Variants in TPD52 observed in about 807,000 individuals in gnomAD.
TPD52 encodes the protein tumor protein D52, also known as prostate and colon associated protein.
In TPD52, 17 loss-of-function variants were observed where a neutral mutation model predicts 31.3. The ratio of observed to expected loss-of-function variants is 0.54; its 90% CI spans 0.37 to 0.82. The LOEUF is 0.82. Among genes scored for constraint, TPD52 ranks in the 40% least tolerant of loss-of-function variants. The pLI, the probability that TPD52 is intolerant of heterozygous loss-of-function variation, is 0.00. For missense variants in TPD52, 212 were observed against 240.1 expected (o/e 0.88, Z 0.77); for synonymous variants, 83 against 89.6 (o/e 0.93, Z 0.42).
At position 80,050,376 on chromosome 8, in the gene TPD52, G is replaced by GTAATC. The variant is rs748025837; in HGVS notation, c.413+64_413+68dup. On this transcript the variant is annotated intron_variant, in intron 5 of 7. Transcript: ENST00000518937. Reference sequence around the variant, plus strand: ...AAACACGATCATCCAACGTAGCATGGTAATCTAATCTCAGCACACTTTTCT... The same window carrying GTAATC: ...AAACACGATCATCCAACGTAGCATGGTAATCTAATCTAATCTCAGCACACTTTTCT... The GTAATC allele has an allele frequency of 4.2e-4, 611 of 1,462,304 alleles. 1 individual carries two copies. Among genetic ancestry groups the GTAATC allele is most frequent in the Middle Eastern group, 7.0e-4 (4 of 5,746 alleles). The allele number at this position is 1,462,304 out of a possible 1,614,324, so 90.6% of individuals were successfully genotyped here.
At chr8:80,124,200 C>A (rs1437035672) in intron 1 of TPD52, among the ~76,000 whole-genome samples, 2 of 151,284 alleles carry the variant, frequency 1.3e-5, no homozygotes, top group African/African-American at 4.9e-5. Context: ...GGGTCTCACT[C>A]TGTCATCCAG....
At chr8:80,042,163 T>C in intron 7 of TPD52, 3 of 984,156 alleles carry the variant, frequency 3.0e-6, no homozygotes, top group Non-Finnish European at 3.6e-6. Context: ...TACAGGAAAA[T>C]GATTATGATG....
At chr8:80,054,586 G>A (rs574840832) in intron 2 of TPD52, among the ~76,000 whole-genome samples, 1 of 152,206 alleles carries the variant, frequency 6.6e-6, no homozygotes, top group East Asian at 1.9e-4. Flanking sequence ...AACCTGCACG[G>A]TATTTCTATG....
At chr8:80,162,558 G>A (rs1811430033) in intron 1 of TPD52, among the ~76,000 whole-genome samples, 1 of 151,592 alleles carries the variant, frequency 6.6e-6, no homozygotes, top group Admixed American at 6.6e-5. Context: ...AGGAGTTCAA[G>A]GCTACAATGA....
In TPD52 at chr8:80,036,511, T is replaced by A. The variant is rs1230012278; in HGVS notation, c.*1605A>T. 6.6e-6 allele frequency: 1 copy of A among 152,438 alleles called. No individual in the cohort carries two copies. The highest frequency in any genetic ancestry group is 1.5e-5 in the Non-Finnish European group (1 of 68,004). 9.4% of individuals were successfully genotyped at this position (152,438 alleles called of 1,614,324 possible). A position where few individuals can be genotyped will look rare whatever the true frequency, so the allele number is the denominator to read the frequency against. The stretch of plus-strand genomic sequence containing the variant: ...TGGTTAAAAAAAAATTTTTTTTTTT[T>A]AAGCATAGACTCCAGTTGATTCGGT... On this transcript the variant is annotated 3_prime_UTR_variant, in exon 8 of 8. Transcript: ENST00000518937.
chr8:80,151,247 G>T (rs949138811), intron 1 of TPD52, among the ~76,000 whole-genome samples: 1 of 152,316 alleles, frequency 6.6e-6, no homozygotes, highest in Admixed American at 6.5e-5. Flanking sequence ...CCCCAGCCAT[G>T]TGAAGTTGTA....
intron 1 of TPD52, among the ~76,000 whole-genome samples, chr8:80,086,153 C>G (rs1815746137): frequency 8.7e-6 from 1 of 114,650 alleles, no homozygotes; most frequent in South Asian, 3.2e-4. Context: ...GACTCTCACT[C>G]TGTTGCCAGG....
intron 1 of TPD52, among the ~76,000 whole-genome samples, chr8:80,106,887 T>C (rs1307888411): frequency 1.3e-5 from 2 of 150,546 alleles, no homozygotes; most frequent in Non-Finnish European, 3.0e-5. Context: ...AGTTTCGCTC[T>C]GTTGCCCAGG....
chr8:80,083,112 C>A (rs566049762), intron 1 of TPD52, among the ~76,000 whole-genome samples: 1 of 151,702 alleles, frequency 6.6e-6, no homozygotes, highest in Non-Finnish European at 1.5e-5. Context: ...TAGAAAGGAA[C>A]TGAAAGACAT....
chr8:80,126,509 T>C (rs1333912679), intron 1 of TPD52, among the ~76,000 whole-genome samples: 2 of 136,492 alleles, frequency 1.5e-5, no homozygotes, highest in Non-Finnish European at 3.1e-5. Context: ...TGAGACAGGG[T>C]CTCACTCTGT....
Position 80,118,478 on chromosome 8 carries a change from C to T in TPD52, c.19+52947G>A, listed in dbSNP as rs375304229. Reference sequence around the variant, plus strand: ...TTTTATGCTTCAAGCACACCGTCAACGAAGTGAAAAGACAACCCACAGAAT... The same window carrying T: ...TTTTATGCTTCAAGCACACCGTCAATGAAGTGAAAAGACAACCCACAGAAT... On this transcript the variant is annotated intron_variant, in intron 1 of 7. Coordinates refer to ENST00000518937, the MANE Select transcript of TPD52 (RefSeq NM_001025253.3). Among the ~76,000 whole-genome samples, 78 of 152,234 alleles carry T rather than the reference C, an allele frequency of 5.1e-4. No homozygotes were observed. The South Asian group carries it at 0.016, about 31-fold the overall frequency.
At chr8:80,065,303 C>A (rs201946339) in intron 1 of TPD52, among the ~76,000 whole-genome samples, 21 of 147,202 alleles carry the variant, frequency 1.4e-4, no homozygotes, top group Admixed American at 3.4e-4. Flanking sequence ...ATCTATCTAT[C>A]TATATATATA....
chr8:80,051,871 T>C (rs1021442551), intron 3 of TPD52: 18 of 404,082 alleles, frequency 4.5e-5, no homozygotes, highest in African/African-American at 3.5e-4. Flanking sequence ...CAGAGTCCTA[T>C]AAAGGCAGGG....
At chr8:80,059,673 C>T (rs111256488) in intron 2 of TPD52, among the ~76,000 whole-genome samples, 2,165 of 152,144 alleles carry the variant, frequency 0.014, 25 homozygotes, top group Middle Eastern at 0.037. Flanking sequence ...TGCCAACACA[C>T]TGAAACCCCG....
chr8:80,141,984 A>G (rs1221592405), intron 1 of TPD52, among the ~76,000 whole-genome samples: 2 of 152,094 alleles, frequency 1.3e-5, no homozygotes, highest in East Asian at 1.9e-4. Flanking sequence ...GTAGCAATAG[A>G]TACTAAGATA....
At chr8:80,057,309 T>C (rs1238925715) in intron 2 of TPD52, among the ~76,000 whole-genome samples, 12 of 152,186 alleles carry the variant, frequency 7.9e-5, no homozygotes, top group Admixed American at 7.9e-4. Context: ...AAGAACTTAA[T>C]ACAGAGCTAC....
At chr8:80,140,106 A>G (rs1488547079) in intron 1 of TPD52, among the ~76,000 whole-genome samples, 4 of 152,248 alleles carry the variant, frequency 2.6e-5, no homozygotes, top group Non-Finnish European at 5.9e-5. Flanking sequence ...TGACACACAG[A>G]CGCTGGTTCG....
downstream of TPD52, among the ~76,000 whole-genome samples, chr8:80,032,321 G>A (rs562849734): frequency 6.6e-6 from 1 of 152,258 alleles, no homozygotes; most frequent in East Asian, 1.9e-4. Flanking sequence ...GCCTATACAA[G>A]TGCCAAGAGT....
At chr8:80,144,009 A>T (rs1586387527) in intron 1 of TPD52, among the ~76,000 whole-genome samples, 1 of 152,186 alleles carries the variant, frequency 6.6e-6, no homozygotes, top group Admixed American at 6.5e-5. Context: ...CTAAAATTTA[A>T]ATTTTTTCCC....
Sources: gnomAD v4.1 joint callset for allele counts (sites outside exome capture counted in the v4.1 genomes callset) on GRCh38, gnomAD v4.1.1 for gene constraint, MANE v1.5 for transcripts, NCBI Gene and HGNC (gene_info 2026-07-23, HGNC 2026-07-21) for gene names.